Variants in UBE2E1 observed in about 807,000 individuals in gnomAD.
The protein encoded by UBE2E1 is ubiquitin conjugating enzyme E2 E1.
A neutral mutation model predicts 21.4 loss-of-function variants in UBE2E1; 6 were observed. The ratio of observed to expected loss-of-function variants is 0.28; its 90% CI spans 0.15 to 0.55. UBE2E1 has a LOEUF of 0.55. Among genes scored for constraint, UBE2E1 ranks in the 20% least tolerant of loss-of-function variants. UBE2E1 has a pLI of 0.93. For synonymous variants in UBE2E1, 87 were observed against 82.7 expected, an observed-to-expected ratio of 1.05 and a Z score of -0.28; for missense variants, 142 against 236.5, an observed-to-expected ratio of 0.60 and a Z score of 2.62.
chr3:23,823,486 A>C lies in UBE2E1; in HGVS notation c.203+11976A>C, dbSNP rs540140453. ...AGGAATTTTGCTCCACAAGTAATTT[A>C]AATTGTTCCTACTACCACTTACAAC... On this transcript the variant is annotated intron_variant, in intron 3 of 5. Transcript: ENST00000306627. The surrounding 1 kb of genome is among the most constrained non-coding windows in gnomAD (Gnocchi z 4.2). 1.3e-5 allele frequency among the ~76,000 whole-genome samples: 2 copies of C among 152,358 alleles called. No individual in the cohort carries two copies. The highest frequency in any genetic ancestry group is 3.9e-4 in the East Asian group (2 of 5,192).
Position 23,876,803 on chromosome 3 carries a change from C to T in UBE2E1, c.204-10764C>T, listed in dbSNP as rs1020606475. The stretch of plus-strand genomic sequence containing the variant: ...CTCACTACTGTAATGTCAGTGCTTT[C>T]AGAGGCCAAGCAGAAGTATCGCTTG... On this transcript the variant is annotated intron_variant, in intron 3 of 5. Coordinates refer to ENST00000306627, the MANE Select transcript of UBE2E1 (RefSeq NM_003341.5). The surrounding 1 kb of genome is among the most constrained non-coding windows in gnomAD (Gnocchi z 4.3). Among the ~76,000 whole-genome samples the T allele has an allele frequency of 1.3e-5, 2 of 152,042 alleles. No individual in the cohort carries two copies. Among genetic ancestry groups the T allele is most frequent in the African/African-American group, 4.8e-5 (2 of 41,382 alleles).
intron 3 of UBE2E1, among the ~76,000 whole-genome samples, chr3:23,837,951 T>G (rs186115725): frequency 9.6e-4 from 147 of 152,354 alleles, no homozygotes; most frequent in African/African-American, 3.3e-3. Flanking sequence ...TTAAAACAGG[T>G]TGATACTTTT....
At chr3:23,830,235 A>G (rs1699840016) in intron 3 of UBE2E1, among the ~76,000 whole-genome samples, 1 of 152,092 alleles carries the variant, frequency 6.6e-6, no homozygotes, top group Non-Finnish European at 1.5e-5. Context: ...GCCCTTTATA[A>G]TATCCCCTGA....
chr3:23,831,164 G>A (rs1046471693), intron 3 of UBE2E1, among the ~76,000 whole-genome samples: 5 of 152,202 alleles, frequency 3.3e-5, no homozygotes, highest in Non-Finnish European at 7.3e-5. Context: ...TAATATTATA[G>A]GGATATTTGA....
chr3:23,816,771 C>G lies in UBE2E1; in HGVS notation c.203+5261C>G, dbSNP rs890882483. ...AAAAGACAAATAGCGTATGATTCCA[C>G]TTACATGAAATACCTAGAATAGGCA... is the stretch of plus-strand genomic sequence containing the variant. On this transcript the variant is annotated intron_variant, in intron 3 of 5. Transcript: ENST00000306627. The surrounding 1 kb of genome is among the most constrained non-coding windows in gnomAD (Gnocchi z 4.8). Among the ~76,000 whole-genome samples the G allele has an allele frequency of 1.3e-5, 2 of 152,092 alleles. No homozygotes were observed.
chr3:23,874,247 C>G (rs1377606562), intron 3 of UBE2E1, among the ~76,000 whole-genome samples: 2 of 152,212 alleles, frequency 1.3e-5, no homozygotes, highest in East Asian at 3.8e-4. Flanking sequence ...TTAAGAGAAT[C>G]TTGGTATCCT....
intron 3 of UBE2E1, among the ~76,000 whole-genome samples, chr3:23,880,263 A>C (rs1451798762): frequency 6.6e-6 from 1 of 152,194 alleles, no homozygotes; most frequent in Admixed American, 6.5e-5. Context: ...GATGCCTGTA[A>C]TCCCAGCTAC....
At chr3:23,829,493 G>A (rs1559479096) in intron 3 of UBE2E1, among the ~76,000 whole-genome samples, 1 of 151,960 alleles carries the variant, frequency 6.6e-6, no homozygotes, top group Non-Finnish European at 1.5e-5. Context: ...GGAGAGGTGG[G>A]GTCTTGCTGT....
intron 3 of UBE2E1, among the ~76,000 whole-genome samples, chr3:23,832,070 G>C (rs1012255996): frequency 8.5e-5 from 13 of 152,140 alleles, no homozygotes. Flanking sequence ...GGCTTTTTGA[G>C]TTTGTTCAAT....
chr3:23,823,424 C>G lies in UBE2E1; in HGVS notation c.203+11914C>G, dbSNP rs887866808. On this transcript the variant is annotated intron_variant, in intron 3 of 5. Transcript: ENST00000306627. This position sits in a 1 kb window ranked among gnomAD's most constrained non-coding sequence, Gnocchi z 4.2. Reference sequence around the variant, plus strand: ...GTGCTGAACTGCCAGAGACAAGCAACAAATAATATGTGGAACCACAACTGT... The same window carrying G: ...GTGCTGAACTGCCAGAGACAAGCAAGAAATAATATGTGGAACCACAACTGT... Among the ~76,000 whole-genome samples, 3 of 152,180 alleles carry G rather than the reference C, an allele frequency of 2.0e-5. No individual in the cohort carries two copies. The highest frequency in any genetic ancestry group is 7.2e-5 in the African/African-American group (3 of 41,444).
rs137893749 is a variant in UBE2E1, at chr3:23,809,913, T to C, written c.153-1547T>C. Among the ~76,000 whole-genome samples, 7 of 152,298 alleles carry C rather than the reference T, an allele frequency of 4.6e-5. No individual in the cohort carries two copies. In the East Asian group the frequency reaches 1.3e-3, roughly 29 times the overall value. ...AATGAAACGCTTTTTGATAGTAGAA[T>C]TTAGCAGGACACAAATACGTGTCAA... On this transcript the variant is annotated intron_variant, in intron 2 of 5. Coordinates refer to ENST00000306627, the MANE Select transcript of UBE2E1 (RefSeq NM_003341.5).
At chr3:23,872,219 G>A (rs575812900) in intron 3 of UBE2E1, among the ~76,000 whole-genome samples, 1 of 152,266 alleles carries the variant, frequency 6.6e-6, no homozygotes, top group Admixed American at 6.5e-5. Context: ...AAAAAAATAC[G>A]AAAACCAGTC....
Position 23,842,234 on chromosome 3 carries a change from TGTGTGTGTGTGTGTGG to T in UBE2E1, c.203+30725_203+30740del, listed in dbSNP as rs1559482411. 1.2e-3 allele frequency among the ~76,000 whole-genome samples: 91 copies of T among 75,686 alleles called. 2 individuals are homozygous for T. The highest frequency in any genetic ancestry group is 4.5e-3 in the African/African-American group (85 of 18,762). 49.7% of individuals were successfully genotyped at this position (75,686 alleles called of 152,430 possible). A position where few individuals can be genotyped will look rare whatever the true frequency, so the allele number is the denominator to read the frequency against. ...GTGTGTGTGTGTGTGTGTGTGTGTG[TGTGTGTGTGTGTGTGG>T]TGTTGTTGTTGTTGGCGACAGGGTC... On this transcript the variant is annotated intron_variant, in intron 3 of 5. Transcript: ENST00000306627. This position sits in a 1 kb window ranked among gnomAD's most constrained non-coding sequence, Gnocchi z 4.6.
At chr3:23,890,270 T>C (rs539198029) in intron 5 of UBE2E1, among the ~76,000 whole-genome samples, 1 of 152,076 alleles carries the variant, frequency 6.6e-6, no homozygotes, top group African/African-American at 2.4e-5. Flanking sequence ...GGGAGAAAAA[T>C]GGAATGAACT....
intron 2 of UBE2E1, 35 bp downstream of exon 2, chr3:23,807,456 A>T (rs759288743): frequency 1.3e-6 from 2 of 1,595,282 alleles, no homozygotes; most frequent in Non-Finnish European, 1.7e-6. Flanking sequence ...CAGGCTTCCT[A>T]TTTCCGAACT....
At chr3:23,872,066 G>A (rs889041137) in intron 3 of UBE2E1, among the ~76,000 whole-genome samples, 13 of 152,176 alleles carry the variant, frequency 8.5e-5, no homozygotes, top group South Asian at 6.2e-4. Flanking sequence ...ACGCCACTGC[G>A]CTCCAGCCTG....
Position 23,810,454 on chromosome 3 carries a change from A to T in UBE2E1, c.153-1006A>T. 6.5e-7 allele frequency: 1 copy of T among 1,535,684 alleles called. No individual in the cohort carries two copies. The highest frequency in any genetic ancestry group is 2.4e-5 in the East Asian group (1 of 40,884). ...AACTGCAGGTCTCCAGTCTATCCCC[A>T]GTGTGAGCTAGAGAGCGGACCATGA... On this transcript the variant is annotated intron_variant, in intron 2 of 5. Coordinates refer to ENST00000306627, the MANE Select transcript of UBE2E1 (RefSeq NM_003341.5). The surrounding 1 kb of genome is among the most constrained non-coding windows in gnomAD (Gnocchi z 5.8).
Position 23,836,955 on chromosome 3 carries a change from CTG to C in UBE2E1, c.203+25448_203+25449del, listed in dbSNP as rs1286943686. Among the ~76,000 whole-genome samples, 1 of 152,188 alleles carries C rather than the reference CTG, an allele frequency of 6.6e-6. No individual in the cohort carries two copies. The highest frequency in any genetic ancestry group is 1.5e-5 in the Non-Finnish European group (1 of 68,020). On this transcript the variant is annotated intron_variant, in intron 3 of 5. Coordinates refer to ENST00000306627, the MANE Select transcript of UBE2E1 (RefSeq NM_003341.5). The surrounding 1 kb of genome is among the most constrained non-coding windows in gnomAD (Gnocchi z 4.1). Reference sequence around the variant, plus strand: ...TGAAAAGATGGGCAATTTGGGAAATCTGTGGCTTGTTAACTTGTTTGGCATAT... The same window carrying C: ...TGAAAAGATGGGCAATTTGGGAAATCTGGCTTGTTAACTTGTTTGGCATAT...
intron 3 of UBE2E1, among the ~76,000 whole-genome samples, chr3:23,877,456 A>G (rs1217792024): frequency 6.6e-6 from 1 of 152,074 alleles, no homozygotes; most frequent in Non-Finnish European, 1.5e-5. Flanking sequence ...GGCTGAGATC[A>G]TTCTTTGTGG....
Sources: allele counts gnomAD v4.1 joint callset (sites outside exome capture counted in the v4.1 genomes callset), GRCh38; gene constraint gnomAD v4.1.1; non-coding constraint Gnocchi (gnomAD v3.1); transcripts MANE v1.5; gene names NCBI Gene and HGNC (gene_info 2026-07-23, HGNC 2026-07-21).